TNIK: variants seen among roughly 807,000 people sequenced by gnomAD.
TNIK encodes the protein TRAF2 and NCK-interacting protein kinase.
A neutral mutation model predicts 191.3 loss-of-function variants in TNIK; 49 were observed. The ratio of observed to expected loss-of-function variants is 0.26; its 90% confidence interval spans 0.20 to 0.32. The LOEUF (loss-of-function observed/expected upper bound fraction) is 0.32, where lower values mean the gene tolerates loss of function less well. Ranked by LOEUF, TNIK falls within the 10% of genes least tolerant of loss-of-function variation. The probability of loss-of-function intolerance (pLI) is 1.00; values close to 1 mark genes in which losing one functional copy is unlikely to be tolerated. For missense variants in TNIK, 1,155 were observed against 1,702.3 expected (o/e 0.68, Z 5.66); for synonymous variants, 594 against 600.9 (o/e 0.99, Z 0.17).
intron 1 of TNIK, among the ~76,000 whole-genome samples, chr3:171,380,027 GCGCA>G (rs368225271): frequency 0.27 from 39,077 of 147,066 alleles, 5,224 homozygotes; most frequent in Middle Eastern, 0.31. Flanking sequence ...ACACACACAC[GCGCA>G]CACACACACA....
chr3:171,284,510 G>A (rs1259347105), intron 2 of TNIK, among the ~76,000 whole-genome samples: 1 of 152,002 alleles, frequency 6.6e-6, no homozygotes, highest in South Asian at 2.1e-4. Flanking sequence ...CTCCCCACAT[G>A]GTCAGCTGAG....
chr3:171,099,844 C>T (rs1019264228), intron 22 of TNIK, among the ~76,000 whole-genome samples: 2 of 152,126 alleles, frequency 1.3e-5, no homozygotes, highest in Non-Finnish European at 2.9e-5. Flanking sequence ...GGAGGGTGAA[C>T]ACCATTAATA....
intron 2 of TNIK, among the ~76,000 whole-genome samples, chr3:171,362,916 C>T (rs1331726231): frequency 6.6e-6 from 1 of 152,146 alleles, no homozygotes; most frequent in Non-Finnish European, 1.5e-5. Context: ...TTTCCAAACC[C>T]ACATCTTGTG....
chr3:171,093,717 C>T, intron 23 of TNIK, 122 bp downstream of exon 23: 3 of 1,299,274 alleles, frequency 2.3e-6, no homozygotes, highest in Non-Finnish European at 3.1e-6. Context: ...AGCACAGGTC[C>T]TCCCTCCCCC....
At chr3:171,339,901 T>C (rs551837362) in intron 2 of TNIK, among the ~76,000 whole-genome samples, 3 of 152,344 alleles carry the variant, frequency 2.0e-5, no homozygotes, top group African/African-American at 7.2e-5. Flanking sequence ...GCCTCTGCCT[T>C]ATTAGGCTGT....
At chr3:171,168,123 G>A (rs1049529974) in intron 9 of TNIK, among the ~76,000 whole-genome samples, 1 of 152,226 alleles carries the variant, frequency 6.6e-6, no homozygotes, top group Non-Finnish European at 1.5e-5. Flanking sequence ...AGGCCACAAT[G>A]TGGCAGAAAT....
rs147017164 is a variant in TNIK, at chr3:171,302,918, T to G, written c.123+66702A>C. Reference sequence around the variant, plus strand: ...CCAAGTCTCTCTTGCTCAAATCATCTGGTTTCCTTATCATAAACAGTCTTT... The same window carrying G: ...CCAAGTCTCTCTTGCTCAAATCATCGGGTTTCCTTATCATAAACAGTCTTT... On this transcript the variant is annotated intron_variant, in intron 2 of 32. Coordinates refer to ENST00000436636, the MANE Select transcript of TNIK (RefSeq NM_015028.4). Among the ~76,000 whole-genome samples, 5 of 152,306 alleles carry G rather than the reference T, an allele frequency of 3.3e-5. No individual in the cohort carries two copies. The East Asian group carries it at 9.6e-4, about 29-fold the overall frequency.
rs560520618 is a variant in TNIK at position 171,166,734 on chromosome 3, T to C, written c.949+361A>G. On this transcript the variant is annotated intron_variant, in intron 10 of 32. Transcript: ENST00000436636. ...TCAGTACAGAAAAATGTCAACTAGA[T>C]GAATTTTTTTCTTTAGGTTATCTGT... is the stretch of plus-strand genomic sequence containing the variant. Among the ~76,000 whole-genome samples the C allele has an allele frequency of 2.0e-5, 3 of 152,362 alleles. No individual in the cohort carries two copies. The South Asian group carries it at 6.2e-4, about 32-fold the overall frequency.
intron 2 of TNIK, among the ~76,000 whole-genome samples, chr3:171,290,393 C>A (rs573844645): frequency 1.6e-4 from 24 of 152,246 alleles, no homozygotes; most frequent in African/African-American, 5.8e-4. Context: ...AAATTACTTA[C>A]CATCTGCAAA....
intron 12 of TNIK, among the ~76,000 whole-genome samples, chr3:171,149,571 A>G (rs1314997952): frequency 6.6e-6 from 1 of 152,210 alleles, no homozygotes; most frequent in African/African-American, 2.4e-5. Context: ...CGTAAGTTAG[A>G]ACAAGAAGCC....
rs182791573 is a variant in TNIK at position 171,456,885 on chromosome 3, G to A, written c.57+3122C>T. The stretch of plus-strand genomic sequence containing the variant: ...TAGAGAAAAGAGCACTGAATGAGGA[G>A]TCAGGAAATCTAGATTATTTCCTCA... On this transcript the variant is annotated intron_variant, in intron 1 of 32. Transcript: ENST00000436636. Among the ~76,000 whole-genome samples the A allele has an allele frequency of 2.8e-3, 427 of 152,332 alleles. 4 individuals carry two copies. Among genetic ancestry groups the A allele is most frequent in the African/African-American group, 9.9e-3 (411 of 41,562 alleles).
chr3:171,308,205 T>C (rs1753663580), intron 2 of TNIK, among the ~76,000 whole-genome samples: 1 of 152,102 alleles, frequency 6.6e-6, no homozygotes, highest in Non-Finnish European at 1.5e-5. Context: ...CAAAACAGCA[T>C]GGTACTAGTA....
At chr3:171,397,426 TCAAG>T (rs1260900098) in intron 1 of TNIK, among the ~76,000 whole-genome samples, 6 of 152,296 alleles carry the variant, frequency 3.9e-5, no homozygotes, top group Non-Finnish European at 8.8e-5. Context: ...TGTCTTTGAC[TCAAG>T]TAAACTATTG....
At chr3:171,156,086 A>G (rs1217228072) in intron 12 of TNIK, among the ~76,000 whole-genome samples, 2 of 152,230 alleles carry the variant, frequency 1.3e-5, no homozygotes, top group African/African-American at 4.8e-5. Flanking sequence ...TCTTTGTTAA[A>G]TGGGGATTAT....
intron 7 of TNIK, among the ~76,000 whole-genome samples, chr3:171,183,747 C>G (rs530784217): frequency 1.3e-5 from 2 of 151,952 alleles, no homozygotes; most frequent in Non-Finnish European, 2.9e-5. Flanking sequence ...ACAGTGAAAC[C>G]CTGTCTCTAC....
intron 22 of TNIK, among the ~76,000 whole-genome samples, chr3:171,099,884 A>G (rs1266929808): frequency 6.6e-6 from 1 of 152,160 alleles, no homozygotes; most frequent in Non-Finnish European, 1.5e-5. Flanking sequence ...GGGACCTAAA[A>G]CCCAAATGCT....
chr3:171,386,743 A>T (rs2108534648), intron 1 of TNIK, among the ~76,000 whole-genome samples: 1 of 152,320 alleles, frequency 6.6e-6, no homozygotes, highest in East Asian at 1.9e-4. Context: ...TCTCATTTTT[A>T]AAAATCTTCA....
At chr3:171,436,638 C>T (rs1025874376) in intron 1 of TNIK, among the ~76,000 whole-genome samples, 1 of 152,168 alleles carries the variant, frequency 6.6e-6, no homozygotes, top group African/African-American at 2.4e-5. Context: ...TGAGATAAGC[C>T]AGAAGCTCAC....
At chr3:171,260,389 G>A (rs1747449068) in intron 2 of TNIK, among the ~76,000 whole-genome samples, 1 of 152,142 alleles carries the variant, frequency 6.6e-6, no homozygotes, top group Non-Finnish European at 1.5e-5. Flanking sequence ...CAGTGTCACT[G>A]AATAACTTTT....
Sources: gnomAD v4.1 joint callset for allele counts (sites outside exome capture counted in the v4.1 genomes callset) on GRCh38, gnomAD v4.1.1 for gene constraint, MANE v1.5 for transcripts, NCBI Gene and HGNC (gene_info 2026-07-23, HGNC 2026-07-21) for gene names.